TEX10: variants seen among roughly 807,000 people sequenced by gnomAD.
TEX10 encodes the protein testis-expressed protein 10.
In TEX10, 24 loss-of-function variants were observed where a neutral mutation model predicts 104.4. The observed-to-expected ratio is 0.23, with a 90% CI of 0.17 to 0.32. The LOEUF (loss-of-function observed/expected upper bound fraction) is 0.32. Ranked by LOEUF, TEX10 falls within the 10% of genes least tolerant of loss-of-function variation. The probability of loss-of-function intolerance (pLI) is 1.00; values close to 1 mark genes in which losing one functional copy is unlikely to be tolerated. For synonymous variants in TEX10, 396 were observed against 393.4 expected, an observed-to-expected ratio of 1.01 and a Z score of -0.08; for missense variants, 921 against 1,083.9, an observed-to-expected ratio of 0.85 and a Z score of 2.11.
intron 13 of TEX10, 71 bp downstream of exon 13, chr9:100,308,429 T>C: frequency 7.6e-7 from 1 of 1,322,740 alleles, no homozygotes; most frequent in South Asian, 1.6e-5. Context: ...TCTTTAACTG[T>C]CTATTTTATT....
rs1329545708 is a variant in TEX10 at position 100,329,288 on chromosome 9, AG to A, written c.1490-14del. On this transcript the variant is annotated splice_polypyrimidine_tract_variant and intron_variant, in intron 6 of 14. Coordinates refer to ENST00000374902, the MANE Select transcript of TEX10 (RefSeq NM_017746.4). ...GTCTCTGTGTCCTCTACAAACAGAA[AG>A]AAAACAACTTGCATATGAATCAAAA... 1.3e-6 allele frequency: 2 copies of A among 1,587,512 alleles called. No homozygotes were observed. The highest frequency in any genetic ancestry group is 2.7e-5 in the African/African-American group (2 of 73,040).
chr9:100,327,990 G>T (rs762714188), intron 7 of TEX10, 28 bp from the exon 8 acceptor site: 3 of 1,473,814 alleles, frequency 2.0e-6, no homozygotes, highest in Non-Finnish European at 2.7e-6. Context: ...AGAATAAAAT[G>T]TAATACTCAA....
At chr9:100,335,497 G>A (rs185703303) in intron 5 of TEX10, among the ~76,000 whole-genome samples, 25 of 152,240 alleles carry the variant, frequency 1.6e-4, no homozygotes, top group East Asian at 1.5e-3. Context: ...CACCACACCC[G>A]GACAAGGGTC....
Position 100,352,315 on chromosome 9 carries a change from G to A in TEX10, c.-10+457C>T, listed in dbSNP as rs1269523782. 2.6e-6 allele frequency: 4 copies of A among 1,538,166 alleles called. No individual in the cohort carries two copies. The East Asian group carries it at 9.8e-5, about 38-fold the overall frequency. ...CCCAGAAAACTGGTAGTCCCCTTCC[G>A]CTCGCTTAACTCTCCCGCCTGGGCG... is the stretch of plus-strand genomic sequence containing the variant. On this transcript the variant is annotated intron_variant, in intron 1 of 14. Coordinates refer to ENST00000374902, the MANE Select transcript of TEX10 (RefSeq NM_017746.4).
At chr9:100,329,789 T>TA (rs776375675) in intron 6 of TEX10, 142 bp downstream of exon 6, 4 of 735,768 alleles carry the variant, frequency 5.4e-6, no homozygotes, top group Non-Finnish European at 6.8e-6. Flanking sequence ...AGTGTTCAAG[T>TA]AGACAGTAGC....
At chr9:100,319,756 A>G (rs1834518707) in intron 11 of TEX10, among the ~76,000 whole-genome samples, 3 of 152,234 alleles carry the variant, frequency 2.0e-5, no homozygotes, top group African/African-American at 7.2e-5. Context: ...CAGCAAGCAG[A>G]GATTGCACCA....
chr9:100,313,405 C>A (rs1227215089), intron 11 of TEX10, among the ~76,000 whole-genome samples: 1 of 151,500 alleles, frequency 6.6e-6, no homozygotes, highest in Admixed American at 6.6e-5. Context: ...ATCCCAGCTA[C>A]TCGGGAGGCT....
chr9:100,321,786 G>A lies in TEX10; in HGVS notation c.1980-15C>T, dbSNP rs1186100093. On this transcript the variant is annotated splice_polypyrimidine_tract_variant and intron_variant, in intron 9 of 14. Transcript: ENST00000374902. ...AAAATGATGATCTATAAAAAACAAA[G>A]GGAGAACTATTACCAGAAGTGACCA... 6.2e-7 allele frequency: 1 copy of A among 1,600,668 alleles called. No homozygotes were observed. Among genetic ancestry groups the A allele is most frequent in the Non-Finnish European group, 8.5e-7 (1 of 1,170,188 alleles).
chr9:100,313,865 G>C lies in TEX10; in HGVS notation c.2203-3486C>G, dbSNP rs996770991. ...GTTTCCAAAAAAAAAAAAAAAAAGA[G>C]ACACACACATAGGAACGTAGCCTTC... On this transcript the variant is annotated intron_variant, in intron 11 of 14. Transcript: ENST00000374902. Among the ~76,000 whole-genome samples the C allele has an allele frequency of 1.6e-4, 24 of 150,636 alleles. No individual in the cohort carries two copies. In the East Asian group the frequency reaches 3.3e-3, roughly 21 times the overall value.
chr9:100,324,122 T>C (rs145895660), intron 9 of TEX10, among the ~76,000 whole-genome samples: 10,046 of 152,122 alleles, frequency 0.066, 529 homozygotes, highest in Admixed American at 0.17. Context: ...AACCTCCGCC[T>C]CCTGGGTTCA....
At chr9:100,304,411 G>C (rs566996366) in intron 13 of TEX10, 1 of 154,498 alleles carries the variant, frequency 6.5e-6, no homozygotes, top group East Asian at 1.9e-4. Context: ...AGAGAACCCA[G>C]AAATAAAGCC....
chr9:100,316,418 C>T (rs1203804335), intron 11 of TEX10, among the ~76,000 whole-genome samples: 1 of 152,078 alleles, frequency 6.6e-6, no homozygotes, highest in East Asian at 1.9e-4. Flanking sequence ...CCACAGCCAA[C>T]ATCACACTGA....
chr9:100,329,886 TG>T, intron 6 of TEX10, 44 bp downstream of exon 6: 1 of 1,480,702 alleles, frequency 6.8e-7, no homozygotes. Flanking sequence ...AGATAGCACA[TG>T]TAAGAGCTCC....
intron 10 of TEX10, among the ~76,000 whole-genome samples, chr9:100,321,121 AACT>A (rs1256784510): frequency 2.0e-5 from 3 of 152,206 alleles, no homozygotes; most frequent in Non-Finnish European, 4.4e-5. Flanking sequence ...ACTTTCTGAC[AACT>A]ACTATTAAAA....
At chr9:100,342,836 T>C (rs1835206125) in intron 4 of TEX10, among the ~76,000 whole-genome samples, 1 of 152,142 alleles carries the variant, frequency 6.6e-6, no homozygotes, top group Non-Finnish European at 1.5e-5. Flanking sequence ...AATGTTAAAC[T>C]GTAATTTCAT....
chr9:100,314,959 T>C (rs1322297141), intron 11 of TEX10, among the ~76,000 whole-genome samples: 1 of 152,218 alleles, frequency 6.6e-6, no homozygotes, highest in East Asian at 1.9e-4. Flanking sequence ...TCTATTTTAA[T>C]TTCTTCAGTG....
At chr9:100,303,941 T>A in intron 13 of TEX10, 99 bp from the exon 14 acceptor site, 1 of 1,182,850 alleles carries the variant, frequency 8.5e-7, no homozygotes, top group Non-Finnish European at 1.2e-6. Context: ...TTAAGGAACA[T>A]GTTTTCCAAT....
Position 100,352,868 on chromosome 9 carries a change from C to A in TEX10, c.-106G>T. On this transcript the variant is annotated 5_prime_UTR_variant, in exon 1 of 15. Coordinates refer to ENST00000374902, the MANE Select transcript of TEX10 (RefSeq NM_017746.4). ...CAGCGTGCGCCGCCGACCTCAGGCT[C>A]TAGCTCCCGGAGCGTGTTTTCAAAT... 1 of 1,002,440 alleles carries A rather than the reference C, an allele frequency of 1.0e-6. No individual in the cohort carries two copies. The highest frequency in any genetic ancestry group is 1.2e-6 in the Non-Finnish European group (1 of 842,144). The allele number at this position is 1,002,440 out of a possible 1,614,324, so 62.1% of individuals were successfully genotyped here. A position where few individuals can be genotyped will look rare whatever the true frequency, so the allele number is the denominator to read the frequency against.
intron 11 of TEX10, among the ~76,000 whole-genome samples, chr9:100,311,231 G>GAA (rs76733090): frequency 7.0e-6 from 1 of 141,956 alleles, no homozygotes; most frequent in Admixed American, 7.0e-5. Context: ...ACCTCATCTA[G>GAA]AAAAAAAAAA....
Sources: gnomAD v4.1 joint callset for allele counts (sites outside exome capture counted in the v4.1 genomes callset) on GRCh38, gnomAD v4.1.1 for gene constraint, MANE v1.5 for transcripts, NCBI Gene and HGNC (gene_info 2026-07-23, HGNC 2026-07-21) for gene names.